Variants in AKAP13 observed in about 807,000 individuals in gnomAD.
AKAP13 encodes the protein A-kinase anchor protein 13.
A neutral mutation model predicts 264.5 loss-of-function variants in AKAP13; 80 were observed. The ratio of observed to expected loss-of-function variants is 0.30; its 90% CI spans 0.25 to 0.36. The LOEUF (loss-of-function observed/expected upper bound fraction) is 0.36, where lower values mean the gene tolerates loss of function less well. Among genes scored for constraint, AKAP13 ranks in the 10% least tolerant of loss-of-function variants. The pLI is 1.00. For missense variants in AKAP13, 3,712 were observed against 3,435.2 expected, an observed-to-expected ratio of 1.08 and a Z score of -2.01; for synonymous variants, 1,380 against 1,250.2, an observed-to-expected ratio of 1.10 and a Z score of -2.19.
chr15:85,655,661 G>C lies in AKAP13; in HGVS notation c.4619G>C (p.Ser1540Thr), dbSNP rs1461794804. The C allele has an allele frequency of 6.2e-7, 1 of 1,614,234 alleles. No homozygotes were observed. The highest frequency in any genetic ancestry group is 8.5e-7 in the Non-Finnish European group (1 of 1,180,038). ...GACGTGGAGGAGGAGGAGATGGACAGTATCACTGAAGTGCCTGCAAACTGC... is the reference window on the plus strand; with the variant it reads ...GACGTGGAGGAGGAGGAGATGGACACTATCACTGAAGTGCCTGCAAACTGC... ...PGDVEEEEMDSITEVPANCSV... is the reference protein window; with the variant it reads ...PGDVEEEEMDTITEVPANCSV... The change falls in exon 11 of 37, where the codon AGT becomes ACT. Residue 1540 changes from serine (S) to threonine (T), a missense_variant. Transcript: ENST00000394518.
At chr15:85,498,787 G>A (rs939563166) in intron 2 of AKAP13, among the ~76,000 whole-genome samples, 5 of 152,090 alleles carry the variant, frequency 3.3e-5, no homozygotes, top group African/African-American at 9.7e-5. Context: ...TGTGAGGTCC[G>A]CAACCAGCAG....
intron 1 of AKAP13, among the ~76,000 whole-genome samples, chr15:85,389,161 A>G (rs2070733631): frequency 6.6e-6 from 1 of 152,130 alleles, no homozygotes; most frequent in Admixed American, 6.5e-5. Flanking sequence ...TGCTTGGCTT[A>G]CTACTGGGTG....
chr15:85,719,554 T>A (rs892320639), intron 23 of AKAP13, among the ~76,000 whole-genome samples: 10 of 152,222 alleles, frequency 6.6e-5, no homozygotes, highest in African/African-American at 1.9e-4. Context: ...ATATATAAAG[T>A]ACCTAATGCA....
At chr15:85,489,533 G>A (rs1596322803) in intron 2 of AKAP13, among the ~76,000 whole-genome samples, 1 of 152,166 alleles carries the variant, frequency 6.6e-6, no homozygotes, top group East Asian at 1.9e-4. Flanking sequence ...GGTGGTGGGG[G>A]AAGTTCTCTG....
Position 85,735,155 on chromosome 15 carries a change from A to G in AKAP13, c.7441+5A>G, listed in dbSNP as rs753516883. The G allele has an allele frequency of 1.4e-5, 23 of 1,613,140 alleles. No individual in the cohort carries two copies. The highest frequency in any genetic ancestry group is 5.0e-5 in the Admixed American group (3 of 59,768). ...ATCAGATGAATGCTTCAAAAGGTAA[A>G]TGATGTGAAGTCATGAGCTTTTATA... On this transcript the variant is annotated splice_donor_5th_base_variant and intron_variant, in intron 31 of 36. Transcript: ENST00000394518.
intron 6 of AKAP13, among the ~76,000 whole-genome samples, chr15:85,576,520 C>T (rs767199557): frequency 2.3e-4 from 32 of 137,650 alleles, no homozygotes; most frequent in Non-Finnish European, 8.8e-5. Context: ...GTACATCTCT[C>T]TTGGGCATAA....
chr15:85,534,639 TGTTA>T (rs965583212), intron 4 of AKAP13: 2 of 151,814 alleles, frequency 1.3e-5, no homozygotes, highest in South Asian at 2.1e-4. Flanking sequence ...GGTTTCACCG[TGTTA>T]GTCAGGCTGG....
chr15:85,476,411 G>A (rs2075165468), intron 1 of AKAP13, among the ~76,000 whole-genome samples: 1 of 152,210 alleles, frequency 6.6e-6, no homozygotes, highest in African/African-American at 2.4e-5. Flanking sequence ...ACAGTGATGA[G>A]GATGTCCTGA....
At chr15:85,491,123 T>C (rs2075709510) in intron 2 of AKAP13, among the ~76,000 whole-genome samples, 2 of 152,018 alleles carry the variant, frequency 1.3e-5, no homozygotes, top group Non-Finnish European at 2.9e-5. Context: ...CTGCATGAGG[T>C]TGGAGATTTA....
At chr15:85,689,356 C>G (rs2085133124) in intron 16 of AKAP13, among the ~76,000 whole-genome samples, 1 of 152,172 alleles carries the variant, frequency 6.6e-6, no homozygotes, top group Non-Finnish European at 1.5e-5. Context: ...TGTAACATGA[C>G]AGTTGTTTGA....
At chr15:85,392,405 C>A (rs898057153) in intron 1 of AKAP13, among the ~76,000 whole-genome samples, 1 of 151,256 alleles carries the variant, frequency 6.6e-6, no homozygotes, top group African/African-American at 2.4e-5. Flanking sequence ...CAGGCGTGCA[C>A]CACCACGCCC....
rs149535750 is a variant in AKAP13 at position 85,563,314 on chromosome 15, G to A, written c.663-11817G>A. 6.6e-3 allele frequency among the ~76,000 whole-genome samples: 928 copies of A among 140,610 alleles called. 12 individuals are homozygous for A. The highest frequency in any genetic ancestry group is 0.023 in the African/African-American group (873 of 38,616). The allele number at this position is 140,610 out of a possible 152,430, so 92.2% of individuals were successfully genotyped here. A position where few individuals can be genotyped will look rare whatever the true frequency, so the allele number is the denominator to read the frequency against. ...TCGGAATCAATATTGTCCTTCATTT[G>A]AGTAGAATGTGCTTGTTTTTTTTTT... On this transcript the variant is annotated intron_variant, in intron 5 of 36. Coordinates refer to ENST00000394518, the MANE Select transcript of AKAP13 (RefSeq NM_007200.5).
At chr15:85,391,252 C>G (rs1158105212) in intron 1 of AKAP13, among the ~76,000 whole-genome samples, 1 of 152,134 alleles carries the variant, frequency 6.6e-6, no homozygotes, top group Non-Finnish European at 1.5e-5. Flanking sequence ...CTTTTCTTCT[C>G]TAAGCATGAT....
intron 26 of AKAP13, chr15:85,726,148 A>G: frequency 5.3e-6 from 2 of 380,384 alleles, no homozygotes; most frequent in Non-Finnish European, 9.5e-6. Flanking sequence ...ATATCTTTCT[A>G]GGACTGAGTA....
intron 8 of AKAP13, chr15:85,619,901 G>C: frequency 7.0e-7 from 1 of 1,429,596 alleles, no homozygotes; most frequent in South Asian, 1.5e-5. Flanking sequence ...CAAGGCATTG[G>C]ATTCTGCTTG....
chr15:85,421,418 G>A (rs548461539), intron 1 of AKAP13, among the ~76,000 whole-genome samples: 10 of 152,320 alleles, frequency 6.6e-5, no homozygotes, highest in African/African-American at 2.4e-4. Flanking sequence ...CTCTCCTGGC[G>A]TTTTTGAGAA....
intron 1 of AKAP13, among the ~76,000 whole-genome samples, chr15:85,454,546 GTGT>G (rs2074214571): frequency 1.3e-5 from 2 of 151,952 alleles, no homozygotes; most frequent in Non-Finnish European, 2.9e-5. Context: ...TCAGTTGAAG[GTGT>G]TGTATTTACT....
At chr15:85,671,717 G>T (rs2083941963) in intron 14 of AKAP13, among the ~76,000 whole-genome samples, 1 of 151,814 alleles carries the variant, frequency 6.6e-6, no homozygotes, top group Non-Finnish European at 1.5e-5. Flanking sequence ...ATAGTTTGCA[G>T]TGAATTTGAT....
intron 17 of AKAP13, among the ~76,000 whole-genome samples, chr15:85,696,619 G>A (rs959479566): frequency 6.6e-6 from 1 of 152,090 alleles, no homozygotes; most frequent in Non-Finnish European, 1.5e-5. Context: ...TTTCTTGATT[G>A]GCAGTATGAA....
Sources: allele counts gnomAD v4.1 joint callset (sites outside exome capture counted in the v4.1 genomes callset), GRCh38; gene constraint gnomAD v4.1.1; transcripts MANE v1.5; gene names NCBI Gene and HGNC (gene_info 2026-07-23, HGNC 2026-07-21).